The following RIMS1 variants were observed in gnomAD, a reference collection of about 807,000 sequenced individuals.
RIMS1 encodes regulating synaptic membrane exocytosis protein 1.
RIMS1 carries 83 observed loss-of-function variants against 214.1 expected under a neutral mutation model. The ratio of observed to expected loss-of-function variants is 0.39; its 90% CI spans 0.32 to 0.47. RIMS1 has a LOEUF of 0.47. Among genes scored for constraint, RIMS1 ranks in the 20% least tolerant of loss-of-function variants. The pLI is 0.99. For missense variants in RIMS1, 2,050 were observed against 2,161.8 expected (o/e 0.95, Z 1.03); for synonymous variants, 793 against 786.8 (o/e 1.01, Z -0.13).
At position 72,228,928 on chromosome 6, in the gene RIMS1, G is replaced by A. The variant is rs9341369; in HGVS notation, c.1679-4845G>A. Reference sequence around the variant, plus strand: ...TTGTTATTTATGTTGAGTATCTTTGGTGGTAAACATAGCTGCCATCCAAAC... The same window carrying A: ...TTGTTATTTATGTTGAGTATCTTTGATGGTAAACATAGCTGCCATCCAAAC... On this transcript the variant is annotated intron_variant, in intron 6 of 33. Transcript: ENST00000521978. Among the ~76,000 whole-genome samples, 29 of 151,808 alleles carry A rather than the reference G, an allele frequency of 1.9e-4. No homozygotes were observed. The East Asian group carries it at 5.2e-3, about 27-fold the overall frequency.
chr6:72,128,161 T>C (rs1053804944), intron 4 of RIMS1, among the ~76,000 whole-genome samples: 10 of 152,262 alleles, frequency 6.6e-5, no homozygotes, highest in Non-Finnish European at 1.5e-4. Context: ...TCCTGGATGA[T>C]TGCATTTCAA....
At chr6:72,057,649 A>G (rs994305454) in intron 2 of RIMS1, among the ~76,000 whole-genome samples, 2 of 151,904 alleles carry the variant, frequency 1.3e-5, no homozygotes, top group African/African-American at 2.4e-5. Context: ...CTGGGACTAC[A>G]GGCGCCCGCC....
At chr6:72,393,029 A>G (rs2154443269) in intron 31 of RIMS1, among the ~76,000 whole-genome samples, 1 of 152,148 alleles carries the variant, frequency 6.6e-6, no homozygotes, top group African/African-American at 2.4e-5. Context: ...TTGAATTACC[A>G]GAAACCCTGA....
intron 1 of RIMS1, among the ~76,000 whole-genome samples, chr6:71,952,319 T>A (rs907301642): frequency 1.3e-5 from 2 of 152,200 alleles, no homozygotes; most frequent in Admixed American, 6.5e-5. Context: ...AAAAAAAAGT[T>A]CCAGTATGTT....
Position 72,122,050 on chromosome 6 carries a change from T to C in RIMS1, c.471+22064T>C, listed in dbSNP as rs1035950959. ...CTTTTTGATGTGCTGCTGGATTTGG[T>C]TTGCCAGTATTTTATTGAGGAATTT... On this transcript the variant is annotated intron_variant, in intron 4 of 33. Coordinates refer to ENST00000521978, the MANE Select transcript of RIMS1 (RefSeq NM_014989.7). Among the ~76,000 whole-genome samples the C allele has an allele frequency of 2.0e-5, 3 of 151,808 alleles. 1 individual carries two copies. The highest frequency in any genetic ancestry group is 6.6e-5 in the Admixed American group (1 of 15,202).
In RIMS1 at chr6:71,897,930, C is replaced by T. The variant is rs370545414; in HGVS notation, c.164+10743C>T. On this transcript the variant is annotated intron_variant, in intron 1 of 33. Transcript: ENST00000521978. The stretch of plus-strand genomic sequence containing the variant: ...GATAGAGTGGGATGATTATTCTAAC[C>T]ACGGGAATTCAGTCAGCAAATTTTG... 1.1e-4 allele frequency among the ~76,000 whole-genome samples: 16 copies of T among 152,206 alleles called. No homozygotes were observed. The East Asian group carries it at 1.7e-3, about 17-fold the overall frequency.
chr6:72,272,401 G>GCT (rs1236688733), intron 22 of RIMS1, among the ~76,000 whole-genome samples: 18 of 152,062 alleles, frequency 1.2e-4, no homozygotes, highest in African/African-American at 4.1e-4. Flanking sequence ...AATTGATCCT[G>GCT]CTCTCGTTGT....
At chr6:71,955,387 G>A (rs1281742359) in intron 1 of RIMS1, among the ~76,000 whole-genome samples, 4 of 151,956 alleles carry the variant, frequency 2.6e-5, no homozygotes, top group Non-Finnish European at 5.9e-5. Flanking sequence ...GGGTGGTCTC[G>A]AACTCCTGAC....
chr6:72,291,819 T>C, intron 25 of RIMS1, 115 bp from the exon 26 acceptor site: 1 of 761,086 alleles, frequency 1.3e-6, no homozygotes, highest in Non-Finnish European at 2.3e-6. Context: ...TCTGCTCCCA[T>C]TGGCCCAGTG....
chr6:72,072,825 G>C (rs1451499327), intron 2 of RIMS1, among the ~76,000 whole-genome samples: 1 of 152,084 alleles, frequency 6.6e-6, no homozygotes, highest in East Asian at 1.9e-4. Context: ...TATTCCTCCA[G>C]CTTAAAAAAC....
intron 27 of RIMS1, among the ~76,000 whole-genome samples, chr6:72,309,941 ATATACTTGAG>A (rs1399891135): frequency 6.6e-6 from 1 of 152,062 alleles, no homozygotes; most frequent in Non-Finnish European, 1.5e-5. Context: ...AGCCTTTTGC[ATATACTTGAG>A]AAATTATCTT....
At chr6:72,205,718 A>C (rs774153237) in intron 6 of RIMS1, among the ~76,000 whole-genome samples, 1 of 152,156 alleles carries the variant, frequency 6.6e-6, no homozygotes, top group Non-Finnish European at 1.5e-5. Flanking sequence ...CATCACAAAG[A>C]GTATCTTGGC....
rs770280897 is a variant in RIMS1, at chr6:72,313,666, G to T, written c.4124G>T (p.Arg1375Ile). ...MSEQSERPRG[R>I]ISSFTPKMQG... ...GAGCAATCTGAGCGCCCCAGGGGTAGAATCAGGTGAGTTGGCAATACTGTT... is the reference window on the plus strand; with the variant it reads ...GAGCAATCTGAGCGCCCCAGGGGTATAATCAGGTGAGTTGGCAATACTGTT... Residue 1375 changes from arginine (R) to isoleucine (I), a missense_variant, in exon 28 of 34, where the codon AGA becomes ATA. By Grantham distance (97) the Arg-to-Ile change is moderately conservative. This residue lies in a region of RIMS1 where 889 missense variants were observed against 885.5 expected (regional missense o/e 1.00). Coordinates refer to ENST00000521978, the MANE Select transcript of RIMS1 (RefSeq NM_014989.7). 1 of 1,611,596 alleles carries T rather than the reference G, an allele frequency of 6.2e-7. No individual in the cohort carries two copies. The highest frequency in any genetic ancestry group is 1.1e-5 in the South Asian group (1 of 90,650).
intron 4 of RIMS1, among the ~76,000 whole-genome samples, chr6:72,142,515 C>T (rs994344497): frequency 6.6e-6 from 1 of 152,006 alleles, no homozygotes; most frequent in Non-Finnish European, 1.5e-5. Flanking sequence ...TTTTCAAAAT[C>T]TATCAGAGCT....
chr6:72,086,061 T>C (rs116334966), intron 2 of RIMS1, among the ~76,000 whole-genome samples: 1,638 of 152,270 alleles, frequency 0.011, 27 homozygotes, highest in African/African-American at 0.037. Flanking sequence ...GATTTTGGAA[T>C]CCTTCCTTCA....
At chr6:72,388,261 G>A (rs1158024397) in intron 29 of RIMS1, among the ~76,000 whole-genome samples, 1 of 152,172 alleles carries the variant, frequency 6.6e-6, no homozygotes, top group Non-Finnish European at 1.5e-5. Context: ...AAGGAGCAAG[G>A]CAAGAAAGTC....
At chr6:72,025,981 T>C (rs1314229836) in intron 2 of RIMS1, among the ~76,000 whole-genome samples, 1 of 152,138 alleles carries the variant, frequency 6.6e-6, no homozygotes, top group Non-Finnish European at 1.5e-5. Flanking sequence ...GCAGCTAACC[T>C]CCTCTAGAGC....
At chr6:72,114,362 G>C (rs753201531) in intron 4 of RIMS1, among the ~76,000 whole-genome samples, 1 of 152,010 alleles carries the variant, frequency 6.6e-6, no homozygotes, top group Non-Finnish European at 1.5e-5. Context: ...AGTGAGGCCA[G>C]AGAAGTTTAG....
intron 8 of RIMS1, among the ~76,000 whole-genome samples, chr6:72,237,002 C>T (rs940478805): frequency 2.6e-5 from 4 of 151,944 alleles, no homozygotes; most frequent in Non-Finnish European, 5.9e-5. Context: ...AGTTAGGAAC[C>T]AGCCTGGTCA....
Sources: gnomAD v4.1 joint callset for allele counts (sites outside exome capture counted in the v4.1 genomes callset) on GRCh38, gnomAD v4.1.1 for gene constraint, gnomAD v4.1.1 regional missense constraint, MANE v1.5 for transcripts, NCBI Gene and HGNC (gene_info 2026-07-23, HGNC 2026-07-21) for gene names.